Variants in CACNB2 observed in about 807,000 individuals in gnomAD.
CACNB2 encodes the protein voltage-dependent L-type calcium channel subunit beta-2.
A neutral mutation model predicts 73.3 loss-of-function variants in CACNB2; 42 were observed. That is an observed-to-expected ratio of 0.57 (90% CI 0.45 to 0.74). CACNB2 has a LOEUF of 0.74. Among genes scored for constraint, CACNB2 ranks in the 30% least tolerant of loss-of-function variants. The probability of loss-of-function intolerance (pLI) is 0.00; values close to 1 mark genes in which losing one functional copy is unlikely to be tolerated. For missense variants in CACNB2, 940 were observed against 853.0 expected (o/e 1.10, Z -1.27); for synonymous variants, 348 against 310.3 (o/e 1.12, Z -1.28).
chr10:18,240,717 G>A (rs11816378), intron 2 of CACNB2, among the ~76,000 whole-genome samples: 11,001 of 151,942 alleles, frequency 0.072, 411 homozygotes, highest in Middle Eastern at 0.088. Flanking sequence ...CCTCTCCCTC[G>A]GATGCAGAAC....
In CACNB2 at chr10:18,539,743, T is replaced by G. The variant is rs76261334; in HGVS notation, c.*19T>G. On this transcript the variant is annotated 3_prime_UTR_variant, in exon 14 of 14. Transcript: ENST00000324631. ...CCAATGAGTTTTGCCCGTTTGTGTT[T>G]TTTTTTTTTTTTTTTTGAAGTCTTG... The G allele has an allele frequency of 3.5e-5, 28 of 790,226 alleles. No homozygotes were observed. In the East Asian group the frequency reaches 8.7e-4, roughly 24 times the overall value. The allele number at this position is 790,226 out of a possible 1,614,324, so 49.0% of individuals were successfully genotyped here. A position where few individuals can be genotyped will look rare whatever the true frequency, so the allele number is the denominator to read the frequency against.
intron 2 of CACNB2, among the ~76,000 whole-genome samples, chr10:18,163,137 T>C (rs938037168): frequency 2.6e-5 from 4 of 152,102 alleles, no homozygotes; most frequent in African/African-American, 9.7e-5. Flanking sequence ...AAAGGAATCA[T>C]TTGATAAAAG....
In CACNB2 at chr10:18,265,586, A is replaced by G. The variant is rs146785391; in HGVS notation, c.213+114611A>G. Among the ~76,000 whole-genome samples the G allele has an allele frequency of 4.7e-4, 71 of 152,312 alleles. No homozygotes were observed. In the East Asian group the frequency reaches 6.2e-3, roughly 13 times the overall value. Reference sequence around the variant, plus strand: ...AACAAAATCATTAAAGACAAATGTTACTGACAGAGATATATACAAATGGAA... The same window carrying G: ...AACAAAATCATTAAAGACAAATGTTGCTGACAGAGATATATACAAATGGAA... On this transcript the variant is annotated intron_variant, in intron 2 of 13. Coordinates refer to ENST00000324631, the MANE Select transcript of CACNB2 (RefSeq NM_201596.3).
At chr10:18,221,278 A>G (rs2035783047) in intron 2 of CACNB2, among the ~76,000 whole-genome samples, 1 of 149,192 alleles carries the variant, frequency 6.7e-6, no homozygotes, top group African/African-American at 2.4e-5. Context: ...GTCATGGAAC[A>G]ATATGGGAGT....
intron 3 of CACNB2, among the ~76,000 whole-genome samples, chr10:18,481,227 TATA>T (rs1225544840): frequency 6.7e-4 from 10 of 15,008 alleles, no homozygotes; most frequent in Non-Finnish European, 9.8e-4. Flanking sequence ...TATATATATA[TATA>T]TTTTTTTTTT....
chr10:18,512,854 G>C (rs889168377), intron 6 of CACNB2, among the ~76,000 whole-genome samples: 2 of 152,144 alleles, frequency 1.3e-5, no homozygotes, highest in African/African-American at 4.8e-5. Context: ...GAATATGATG[G>C]ATGAGGCAAA....
intron 1 of CACNB2, among the ~76,000 whole-genome samples, chr10:18,149,020 AAT>A (rs1554759406): frequency 2.0e-5 from 3 of 149,776 alleles, no homozygotes; most frequent in African/African-American, 7.6e-5. Context: ...AAAAAAAAAA[AAT>A]GGGATGAGAT....
At chr10:18,451,396 C>T (rs561966790) in intron 3 of CACNB2, among the ~76,000 whole-genome samples, 26 of 152,278 alleles carry the variant, frequency 1.7e-4, no homozygotes, top group African/African-American at 6.0e-4. Context: ...GGCCCCTGCT[C>T]TGTTTCAGAT....
In CACNB2 at chr10:18,498,529, C is replaced by T. The variant is rs760590194; in HGVS notation, c.456+52C>T. 1.9e-6 allele frequency: 3 copies of T among 1,588,580 alleles called. No homozygotes were observed. The African/African-American group carries it at 4.0e-5, about 21-fold the overall frequency. On this transcript the variant is annotated intron_variant, in intron 4 of 13. Coordinates refer to ENST00000324631, the MANE Select transcript of CACNB2 (RefSeq NM_201596.3). ...CAGCATGATGTTTCACCTTGACATA[C>T]CATTTCTTATTTCCTATTCATATGC...
At chr10:18,448,056 G>A (rs770945201) in intron 3 of CACNB2, among the ~76,000 whole-genome samples, 20 of 152,154 alleles carry the variant, frequency 1.3e-4, no homozygotes, top group Non-Finnish European at 2.9e-5. Context: ...TAGTGGTACA[G>A]TCACAGCTCA....
At chr10:18,442,118 C>T (rs2046437414) in intron 3 of CACNB2, among the ~76,000 whole-genome samples, 2 of 152,092 alleles carry the variant, frequency 1.3e-5, no homozygotes, top group South Asian at 4.1e-4. Flanking sequence ...AGGATCTGTT[C>T]CTTGTAGTGG....
At chr10:18,509,781 C>A (rs112194324) in intron 6 of CACNB2, among the ~76,000 whole-genome samples, 4 of 151,980 alleles carry the variant, frequency 2.6e-5, no homozygotes, top group African/African-American at 4.8e-5. Flanking sequence ...CAGAGGGAGA[C>A]CCTGTCTCAA....
chr10:18,188,861 TG>T (rs1196102626), intron 2 of CACNB2, among the ~76,000 whole-genome samples: 1 of 152,190 alleles, frequency 6.6e-6, no homozygotes, highest in African/African-American at 2.4e-5. Flanking sequence ...ACTAGTTCTA[TG>T]CGTGTGTGTG....
intron 2 of CACNB2, among the ~76,000 whole-genome samples, chr10:18,239,097 A>G (rs952087307): frequency 2.6e-5 from 4 of 152,216 alleles, no homozygotes; most frequent in Non-Finnish European, 5.9e-5. Flanking sequence ...AGTGGCCACC[A>G]GGACTAAATG....
chr10:18,180,910 G>T (rs899281434), intron 2 of CACNB2, among the ~76,000 whole-genome samples: 2 of 149,930 alleles, frequency 1.3e-5, no homozygotes, highest in African/African-American at 2.5e-5. Flanking sequence ...AGGTTGCAGT[G>T]AGCCGAGATC....
At chr10:18,185,101 A>C (rs2034090991) in intron 2 of CACNB2, among the ~76,000 whole-genome samples, 1 of 152,066 alleles carries the variant, frequency 6.6e-6, no homozygotes, top group South Asian at 2.1e-4. Context: ...GGCCCATCCC[A>C]AAGTACTGGG....
At chr10:18,479,665 C>A (rs1214733320) in intron 3 of CACNB2, among the ~76,000 whole-genome samples, 2 of 150,690 alleles carry the variant, frequency 1.3e-5, no homozygotes, top group Admixed American at 6.7e-5. Flanking sequence ...CTTATGAGAT[C>A]TGATGGTTTA....
chr10:18,163,601 G>A (rs1407518425), intron 2 of CACNB2, among the ~76,000 whole-genome samples: 1 of 152,158 alleles, frequency 6.6e-6, no homozygotes, highest in Non-Finnish European at 1.5e-5. Flanking sequence ...GAAATCAGGG[G>A]GTCATCTGTT....
chr10:18,262,657 A>C (rs2037607932), intron 2 of CACNB2, among the ~76,000 whole-genome samples: 1 of 152,236 alleles, frequency 6.6e-6, no homozygotes, highest in South Asian at 2.1e-4. Context: ...TAAGTTAAAA[A>C]CAAAAATAAT....
Sources: allele counts gnomAD v4.1 joint callset (sites outside exome capture counted in the v4.1 genomes callset), GRCh38; gene constraint gnomAD v4.1.1; transcripts MANE v1.5; gene names NCBI Gene and HGNC (gene_info 2026-07-23, HGNC 2026-07-21).